Variants in LAMA2 observed in about 807,000 individuals in gnomAD.
LAMA2 encodes the protein laminin subunit alpha-2.
In LAMA2, 269 loss-of-function variants were observed where a neutral mutation model predicts 364.8. The ratio of observed to expected loss-of-function variants is 0.74; its 90% CI spans 0.67 to 0.82. The LOEUF (loss-of-function observed/expected upper bound fraction) is 0.82, where lower values mean the gene tolerates loss of function less well. Among genes scored for constraint, LAMA2 ranks in the 40% least tolerant of loss-of-function variants. LAMA2 has a pLI of 0.00. For synonymous variants in LAMA2, 1,379 were observed against 1,370.6 expected, an observed-to-expected ratio of 1.01 and a Z score of -0.14; for missense variants, 3,807 against 3,873.2, an observed-to-expected ratio of 0.98 and a Z score of 0.45.
rs142413789 is a variant in LAMA2 at position 129,487,448 on chromosome 6, C to T, written c.7898+826C>T. On this transcript the variant is annotated intron_variant, in intron 56 of 64. Transcript: ENST00000421865. ...AGCCCAGAGACTTCAGGGGTTCAGA[C>T]CTCCAAGCCAGCAATCCATTTATCA... Among the ~76,000 whole-genome samples, 15 of 152,244 alleles carry T rather than the reference C, an allele frequency of 9.9e-5. No homozygotes were observed. The East Asian group carries it at 2.3e-3, about 24-fold the overall frequency.
chr6:129,482,258 C>T (rs1388658710), intron 55 of LAMA2, among the ~76,000 whole-genome samples: 4 of 152,148 alleles, frequency 2.6e-5, no homozygotes, highest in Admixed American at 2.6e-4. Flanking sequence ...CAGAGTGAGA[C>T]TCTGTCTCAA....
rs116697772 is a variant in LAMA2 at position 129,041,351 on chromosome 6, G to A, written c.113-8567G>A. On this transcript the variant is annotated intron_variant, in intron 1 of 64. Coordinates refer to ENST00000421865, the MANE Select transcript of LAMA2 (RefSeq NM_000426.4). ...TATGAGATTAAAGAACTGGAAAACTGTACAAGAGAAATAGTCACCTGCTGA... is the reference window on the plus strand; with the variant it reads ...TATGAGATTAAAGAACTGGAAAACTATACAAGAGAAATAGTCACCTGCTGA... Among the ~76,000 whole-genome samples, 469 of 152,274 alleles carry A rather than the reference G, an allele frequency of 3.1e-3. 4 individuals are homozygous for A. The highest frequency in any genetic ancestry group is 0.01 in the African/African-American group (432 of 41,550).
intron 1 of LAMA2, among the ~76,000 whole-genome samples, chr6:129,012,603 G>T (rs1784832383): frequency 6.6e-6 from 1 of 152,136 alleles, no homozygotes; most frequent in Non-Finnish European, 1.5e-5. Flanking sequence ...CAAGCTAATG[G>T]ATTATGCAAA....
intron 1 of LAMA2, among the ~76,000 whole-genome samples, chr6:128,965,892 A>G (rs553332405): frequency 2.0e-5 from 3 of 151,642 alleles, no homozygotes; most frequent in East Asian, 3.9e-4. Context: ...AATTATAACA[A>G]TAAAAGACTT....
intron 2 of LAMA2, among the ~76,000 whole-genome samples, chr6:129,054,749 T>C (rs1788348301): frequency 1.3e-5 from 2 of 149,062 alleles, no homozygotes; most frequent in African/African-American, 4.9e-5. Flanking sequence ...ATTATGTATA[T>C]ATAATAATAT....
At chr6:129,106,700 A>C (rs192740040) in intron 4 of LAMA2, among the ~76,000 whole-genome samples, 131 of 152,178 alleles carry the variant, frequency 8.6e-4, no homozygotes, top group African/African-American at 3.1e-3. Context: ...AGAGCAGCTG[A>C]AATATTTTGA....
chr6:129,460,064 A>G, intron 48 of LAMA2, 136 bp from the exon 49 acceptor site: 1 of 819,766 alleles, frequency 1.2e-6, no homozygotes, highest in Non-Finnish European at 2.1e-6. Context: ...GAAAAGATGA[A>G]TATGTACATA....
chr6:129,290,032 A>T (rs1462954893), intron 19 of LAMA2, among the ~76,000 whole-genome samples: 1 of 152,178 alleles, frequency 6.6e-6, no homozygotes, highest in Non-Finnish European at 1.5e-5. Flanking sequence ...ACTACAAAGA[A>T]ATATATTTTG....
At position 129,144,006 on chromosome 6, in the gene LAMA2, C is replaced by T. The variant is rs376437110; in HGVS notation, c.745C>T (p.Arg249Cys). 18 of 1,612,472 alleles carry T rather than the reference C, an allele frequency of 1.1e-5. No homozygotes were observed. Among genetic ancestry groups the T allele is most frequent in the Middle Eastern group, 1.6e-4 (1 of 6,074 alleles). ...RYIRLRFQRI[R>C]TLNADLMMFA... Reference sequence around the variant, plus strand: ...TATTCGCCTGAGATTTCAGAGGATCCGCACACTGAATGCTGACTTGATGAT... The same window carrying T: ...TATTCGCCTGAGATTTCAGAGGATCTGCACACTGAATGCTGACTTGATGAT... The change falls in exon 5 of 65, where the codon CGC (arginine) becomes TGC (cysteine). Residue 249 changes from arginine (R) to cysteine (C), a missense_variant. Arg to Cys is a radical substitution (Grantham distance 180, BLOSUM62 -3). Around this residue, in one of 3 missense-constraint regions of LAMA2, gnomAD observed 394 missense variants for 403.5 expected, o/e 0.98. Transcript: ENST00000421865.
intron 1 of LAMA2, among the ~76,000 whole-genome samples, chr6:128,961,331 A>AT (rs1554335574): frequency 5.7e-5 from 2 of 34,838 alleles, no homozygotes; most frequent in African/African-American, 3.5e-4. Flanking sequence ...ATATATATAT[A>AT]TATATATATA....
chr6:129,022,262 T>C (rs1193707129), intron 1 of LAMA2, among the ~76,000 whole-genome samples: 1 of 152,216 alleles, frequency 6.6e-6, no homozygotes, highest in African/African-American at 2.4e-5. Flanking sequence ...GATAACATCA[T>C]ACATTTTCGA....
chr6:128,930,172 G>A (rs776413827), intron 1 of LAMA2, among the ~76,000 whole-genome samples: 1 of 152,200 alleles, frequency 6.6e-6, no homozygotes, highest in Non-Finnish European at 1.5e-5. Context: ...TTTGCTAGGC[G>A]CGACTGCCAC....
intron 1 of LAMA2, among the ~76,000 whole-genome samples, chr6:128,905,060 T>C (rs112753303): frequency 0.027 from 4,044 of 152,330 alleles, 158 homozygotes; most frequent in African/African-American, 0.083. Context: ...CCAGTACTTA[T>C]ATGATGGTAT....
At chr6:129,387,141 T>A (rs1305387096) in intron 35 of LAMA2, among the ~76,000 whole-genome samples, 1 of 152,204 alleles carries the variant, frequency 6.6e-6, no homozygotes, top group Non-Finnish European at 1.5e-5. Flanking sequence ...ATGTTTTTCT[T>A]TTTTTTATTC....
intron 4 of LAMA2, among the ~76,000 whole-genome samples, chr6:129,122,917 G>A (rs992130092): frequency 6.6e-6 from 1 of 152,110 alleles, no homozygotes. Context: ...AATAAGATAA[G>A]CTTAAATTAT....
At chr6:128,969,455 G>A (rs1369298695) in intron 1 of LAMA2, among the ~76,000 whole-genome samples, 2 of 151,852 alleles carry the variant, frequency 1.3e-5, no homozygotes, top group East Asian at 1.9e-4. Flanking sequence ...TTTTTGAAAT[G>A]GGGTCTCACT....
intron 1 of LAMA2, among the ~76,000 whole-genome samples, chr6:129,032,962 C>T (rs559935751): frequency 5.3e-5 from 8 of 152,124 alleles, no homozygotes; most frequent in South Asian, 4.1e-4. Flanking sequence ...CTGAAAACCA[C>T]GAACTCTACT....
chr6:128,899,324 A>G (rs1408837353), intron 1 of LAMA2, among the ~76,000 whole-genome samples: 2 of 152,230 alleles, frequency 1.3e-5, no homozygotes, highest in African/African-American at 4.8e-5. Context: ...TAGAAGACCA[A>G]TCCAATCATA....
intron 34 of LAMA2, among the ~76,000 whole-genome samples, chr6:129,382,902 GACCAAAT>G (rs1778774260): frequency 6.6e-6 from 1 of 152,166 alleles, no homozygotes; most frequent in Admixed American, 6.5e-5. Flanking sequence ...TTTTTTAAAA[GACCAAAT>G]ACAGCTCTCT....
Sources: gnomAD v4.1 joint callset for allele counts (sites outside exome capture counted in the v4.1 genomes callset) on GRCh38, gnomAD v4.1.1 for gene constraint, gnomAD v4.1.1 regional missense constraint, MANE v1.5 for transcripts, NCBI Gene and HGNC (gene_info 2026-07-23, HGNC 2026-07-21) for gene names.